The following HHLA2 variants were observed in gnomAD, a reference collection of about 807,000 sequenced individuals.
The protein encoded by HHLA2 is HERV-H LTR-associating protein 2.
In HHLA2, 48 loss-of-function variants were observed where a neutral mutation model predicts 45.9. The observed-to-expected ratio is 1.05, with a 90% CI of 0.83 to 1.33. The LOEUF is 1.33. Ranked by LOEUF, HHLA2 falls within the 40% of genes most tolerant of loss-of-function variation. The pLI is 0.00. For missense variants in HHLA2, 462 were observed against 494.3 expected, an observed-to-expected ratio of 0.93 and a Z score of 0.62; for synonymous variants, 161 against 173.9, an observed-to-expected ratio of 0.93 and a Z score of 0.59.
rs77362637 is a variant in HHLA2 at position 108,325,458 on chromosome 3, A to G, written c.-104-2812A>G. 2,650 of 388,308 alleles carry G rather than the reference A, an allele frequency of 6.8e-3. 47 individuals carry two copies. The highest frequency in any genetic ancestry group is 0.052 in the African/African-American group (2,458 of 47,048). 24.1% of individuals were successfully genotyped at this position (388,308 alleles called of 1,614,324 possible). A position where few individuals can be genotyped will look rare whatever the true frequency, so the allele number is the denominator to read the frequency against. On this transcript the variant is annotated intron_variant, in intron 2 of 10. Transcript: ENST00000619531. ...TGTTGTAACCTGTACCTCCCCTGTC[A>G]CTTCTCTGGCTCTCCTCTCCTGTTA...
chr3:108,367,191 A>G (rs891493610), intron 8 of HHLA2, among the ~76,000 whole-genome samples: 3 of 152,184 alleles, frequency 2.0e-5, no homozygotes, highest in South Asian at 4.1e-4. Context: ...ATACAAAACC[A>G]CATCCAAAGG....
At chr3:108,324,435 TAC>T (rs1252815339) in intron 2 of HHLA2, among the ~76,000 whole-genome samples, 1 of 152,076 alleles carries the variant, frequency 6.6e-6, no homozygotes, top group African/African-American at 2.4e-5. Flanking sequence ...ATAGAATAAA[TAC>T]AGAGAAGTGC....
At chr3:108,332,458 T>G (rs1298100700) in intron 3 of HHLA2, among the ~76,000 whole-genome samples, 1 of 152,206 alleles carries the variant, frequency 6.6e-6, no homozygotes, top group African/African-American at 2.4e-5. Context: ...CATTGGACAT[T>G]TAAGTTGCTT....
At chr3:108,300,941 GCTT>G (rs2080838295) in intron 1 of HHLA2, among the ~76,000 whole-genome samples, 1 of 152,046 alleles carries the variant, frequency 6.6e-6, no homozygotes, top group Non-Finnish European at 1.5e-5. Context: ...TTTACGTTTA[GCTT>G]CTAACACAGC....
chr3:108,338,117 A>G lies in HHLA2; in HGVS notation c.-27+9770A>G, dbSNP rs148726874. Among the ~76,000 whole-genome samples, 1,170 of 151,996 alleles carry G rather than the reference A, an allele frequency of 7.7e-3. 13 individuals are homozygous for G. Among genetic ancestry groups the G allele is most frequent in the African/African-American group, 0.027 (1,102 of 41,464 alleles). Reference sequence around the variant, plus strand: ...TGTAGCGATACCTGTCTATATATATAGAAATATATATCATAGATATCTAAA... The same window carrying G: ...TGTAGCGATACCTGTCTATATATATGGAAATATATATCATAGATATCTAAA... On this transcript the variant is annotated intron_variant, in intron 3 of 10. Coordinates refer to ENST00000619531, the Ensembl canonical transcript of HHLA2.
intron 3 of HHLA2, among the ~76,000 whole-genome samples, chr3:108,329,801 C>A (rs997166287): frequency 6.6e-6 from 1 of 152,190 alleles, no homozygotes; most frequent in Admixed American, 6.5e-5. Flanking sequence ...CTAGATTAGT[C>A]AGCCCTGGGT....
intron 10 of HHLA2, 194 bp downstream of exon 9, chr3:108,376,751 T>C: frequency 2.0e-6 from 1 of 495,738 alleles, no homozygotes; most frequent in Non-Finnish European, 3.6e-6. Flanking sequence ...TTAAACAGGC[T>C]CTACTTGCTT....
intron 1 of HHLA2, among the ~76,000 whole-genome samples, chr3:108,300,897 G>C (rs1057442834): frequency 6.6e-6 from 1 of 152,150 alleles, no homozygotes; most frequent in Non-Finnish European, 1.5e-5. Context: ...TCTGGGAATT[G>C]AGAGTAATCA....
At chr3:108,322,873 C>CT (rs2081227912) in intron 2 of HHLA2, among the ~76,000 whole-genome samples, 2 of 151,900 alleles carry the variant, frequency 1.3e-5, no homozygotes, top group East Asian at 1.9e-4. Context: ...TAGTCTTTTT[C>CT]TTTTTTTTCC....
At chr3:108,344,792 T>G (rs1256219921) in intron 3 of HHLA2, among the ~76,000 whole-genome samples, 2 of 152,222 alleles carry the variant, frequency 1.3e-5, no homozygotes, top group African/African-American at 4.8e-5. Context: ...TCTGTTTTCT[T>G]GGCTTTGCAG....
chr3:108,357,901 A>G, exon 7 of HHLA2: 1 of 1,613,850 alleles, frequency 6.2e-7, no homozygotes, highest in Non-Finnish European at 8.5e-7. Context: ...CCTGTAAATG[A>G]TTATTTTTCA....
intron 2 of HHLA2, among the ~76,000 whole-genome samples, chr3:108,315,632 T>C (rs1486175603): frequency 3.3e-5 from 5 of 152,204 alleles, no homozygotes; most frequent in East Asian, 1.9e-4. Context: ...CATGGGAGAA[T>C]AGAGTCGTGA....
intron 2 of HHLA2, among the ~76,000 whole-genome samples, chr3:108,322,379 C>T (rs1202180249): frequency 6.6e-6 from 1 of 152,196 alleles, no homozygotes; most frequent in Admixed American, 6.5e-5. Context: ...AAGAAAGGGG[C>T]AATTGTTCAG....
In HHLA2 at chr3:108,355,176, C is replaced by G. The variant is rs371519232; in HGVS notation, c.480C>G (p.Ser160Arg). Reference sequence around the variant, plus strand: ...ACACAAACAGCTTCTTAATATGCAGCGTGTTAAGTGTTTATCCTCGTCCAA... The same window carrying G: ...ACACAAACAGCTTCTTAATATGCAGGGTGTTAAGTGTTTATCCTCGTCCAA... Residue 160 changes from serine to arginine, a missense_variant, in exon 6 of 11, where the codon AGC (serine) becomes AGG (arginine). By Grantham distance (110) the Ser-to-Arg change is moderately radical (BLOSUM62 -1). Coordinates refer to ENST00000619531, the Ensembl canonical transcript of HHLA2. The G allele has an allele frequency of 1.9e-6, 3 of 1,613,394 alleles. No homozygotes were observed. The highest frequency in any genetic ancestry group is 1.3e-5 in the African/African-American group (1 of 74,894).
intron 2 of HHLA2, among the ~76,000 whole-genome samples, chr3:108,320,625 A>G (rs538293866): frequency 6.3e-4 from 96 of 152,112 alleles, no homozygotes; most frequent in Non-Finnish European, 1.3e-3. Flanking sequence ...ATATATAACT[A>G]TTTGTAGTCC....
chr3:108,348,319 G>A (rs969039576), intron 3 of HHLA2, among the ~76,000 whole-genome samples: 2 of 152,116 alleles, frequency 1.3e-5, no homozygotes, highest in Admixed American at 6.6e-5. Context: ...GCTGCTACGA[G>A]GTTGAGTTAG....
Position 108,376,577 on chromosome 3 carries a change from A to G in HHLA2, c.1224+20A>G. On this transcript the variant is annotated intron_variant, in intron 10 of 10. Coordinates refer to ENST00000619531, the Ensembl canonical transcript of HHLA2. ...AATGTGGTAAGGCATTATTTCCTTT[A>G]TCAAACCATATACAGTATAAAAATG... 1 of 1,601,672 alleles carries G rather than the reference A, an allele frequency of 6.2e-7. No homozygotes were observed. The highest frequency in any genetic ancestry group is 2.2e-5 in the East Asian group (1 of 44,752).
At chr3:108,335,183 G>A (rs987968754) in intron 3 of HHLA2, among the ~76,000 whole-genome samples, 6 of 152,130 alleles carry the variant, frequency 3.9e-5, no homozygotes, top group African/African-American at 1.4e-4. Context: ...TATGATCAGG[G>A]ATCCAGGATC....
intron 2 of HHLA2, among the ~76,000 whole-genome samples, chr3:108,314,703 A>G (rs1276421398): frequency 6.6e-6 from 1 of 152,206 alleles, no homozygotes; most frequent in Non-Finnish European, 1.5e-5. Context: ...TCATCGATTG[A>G]TGTGTGGATG....
Sources: allele counts gnomAD v4.1 joint callset (sites outside exome capture counted in the v4.1 genomes callset), GRCh38; gene constraint gnomAD v4.1.1; transcripts MANE v1.5; gene names NCBI Gene and HGNC (gene_info 2026-07-23, HGNC 2026-07-21).